The following OXCT1 variants were observed in gnomAD, a reference collection of about 807,000 sequenced individuals.
OXCT1 encodes 3-oxoacid CoA-transferase 1, also known as succinyl-CoA:3-ketoacid coenzyme A transferase 1, mitochondrial.
A neutral mutation model predicts 69.6 loss-of-function variants in OXCT1; 27 were observed. The ratio of observed to expected loss-of-function variants is 0.39; its 90% CI spans 0.29 to 0.54. OXCT1 has a LOEUF of 0.54. Among genes scored for constraint, OXCT1 ranks in the 20% least tolerant of loss-of-function variants. The probability of loss-of-function intolerance (pLI) is 0.72; values close to 1 mark genes in which losing one functional copy is unlikely to be tolerated. For synonymous variants in OXCT1, 202 were observed against 217.8 expected (o/e 0.93, Z 0.64); for missense variants, 437 against 650.2 (o/e 0.67, Z 3.57).
At chr5:41,833,070 G>C (rs1748176444) in intron 7 of OXCT1, among the ~76,000 whole-genome samples, 1 of 152,162 alleles carries the variant, frequency 6.6e-6, no homozygotes, top group African/African-American at 2.4e-5. Flanking sequence ...GGTAGAGAAA[G>C]AGATAGGAGT....
Position 41,822,628 on chromosome 5 carries a change from C to T in OXCT1, c.733-15190G>A, listed in dbSNP as rs149779389. Among the ~76,000 whole-genome samples, 492 of 152,232 alleles carry T rather than the reference C, an allele frequency of 3.2e-3. 6 individuals carry two copies. Among genetic ancestry groups the T allele is most frequent in the African/African-American group, 0.011 (458 of 41,546 alleles). On this transcript the variant is annotated intron_variant, in intron 7 of 16. Coordinates refer to ENST00000196371, the MANE Select transcript of OXCT1 (RefSeq NM_000436.4). ...AGCCAGAATTACAGGCGTGTGCCACCATGCCCGGCTAATTTTTGTATTTTT... is the reference window on the plus strand; with the variant it reads ...AGCCAGAATTACAGGCGTGTGCCACTATGCCCGGCTAATTTTTGTATTTTT...
intron 7 of OXCT1, among the ~76,000 whole-genome samples, chr5:41,817,355 TCA>T (rs1747300490): frequency 1.3e-5 from 2 of 152,336 alleles, no homozygotes; most frequent in South Asian, 4.1e-4. Flanking sequence ...TAAAGTCATT[TCA>T]CCTTTAAAAT....
At chr5:41,811,569 C>T (rs1014949580) in intron 7 of OXCT1, among the ~76,000 whole-genome samples, 11 of 151,834 alleles carry the variant, frequency 7.2e-5, no homozygotes, top group Non-Finnish European at 1.6e-4. Flanking sequence ...TATTCTTAGG[C>T]TTCATGCTAA....
intron 15 of OXCT1, among the ~76,000 whole-genome samples, chr5:41,747,504 T>C (rs1743556712): frequency 6.6e-6 from 1 of 152,094 alleles, no homozygotes; most frequent in Non-Finnish European, 1.5e-5. Flanking sequence ...TATTTCAGTA[T>C]AGTGGTTTGT....
In OXCT1 at chr5:41,731,537, C is replaced by T. The variant is rs1403012547; in HGVS notation, c.*192G>A. 6 of 944,232 alleles carry T rather than the reference C, an allele frequency of 6.4e-6. No individual in the cohort carries two copies. The African/African-American group carries it at 1.0e-4, about 16-fold the overall frequency. 58.5% of individuals were successfully genotyped at this position (944,232 alleles called of 1,614,324 possible). A position where few individuals can be genotyped will look rare whatever the true frequency, so the allele number is the denominator to read the frequency against. On this transcript the variant is annotated 3_prime_UTR_variant, in exon 17 of 17. Transcript: ENST00000196371. ...TTAACAAATGAGATAATTATAAATG[C>T]TCCTTTTGCTTTTTATTAAAATGTC... is the stretch of plus-strand genomic sequence containing the variant.
At position 41,809,309 on chromosome 5, in the gene OXCT1, T is replaced by C. The variant is rs533347381; in HGVS notation, c.733-1871A>G. ...CCCACAATGTTATTTTTTCAGAAGATGTGATAAACACTAAGTTTCTAAAAC... is the reference window on the plus strand; with the variant it reads ...CCCACAATGTTATTTTTTCAGAAGACGTGATAAACACTAAGTTTCTAAAAC... On this transcript the variant is annotated intron_variant, in intron 7 of 16. Transcript: ENST00000196371. Among the ~76,000 whole-genome samples the C allele has an allele frequency of 3.9e-5, 6 of 152,034 alleles. No individual in the cohort carries two copies. The South Asian group carries it at 8.3e-4, about 21-fold the overall frequency.
At chr5:41,833,677 C>G (rs1166037772) in intron 7 of OXCT1, among the ~76,000 whole-genome samples, 1 of 151,970 alleles carries the variant, frequency 6.6e-6, no homozygotes, top group Non-Finnish European at 1.5e-5. Context: ...ACTAAAGAAC[C>G]AATTAGAATA....
intron 3 of OXCT1, among the ~76,000 whole-genome samples, chr5:41,860,735 T>C (rs1006414754): frequency 6.6e-6 from 1 of 152,182 alleles, no homozygotes; most frequent in African/African-American, 2.4e-5. Context: ...AAATGTACCT[T>C]AATGTGCATG....
chr5:41,829,313 C>T (rs1277018750), intron 7 of OXCT1, among the ~76,000 whole-genome samples: 4 of 151,888 alleles, frequency 2.6e-5, no homozygotes, highest in African/African-American at 9.7e-5. Context: ...AAATTTGAGG[C>T]CTGAAAAATT....
intron 16 of OXCT1, among the ~76,000 whole-genome samples, chr5:41,735,473 C>G (rs1225149677): frequency 6.6e-6 from 1 of 152,192 alleles, no homozygotes; most frequent in Non-Finnish European, 1.5e-5. Flanking sequence ...AGTTTCAGAG[C>G]TGCAAGTTAT....
chr5:41,753,849 G>A (rs1743931112), intron 14 of OXCT1, among the ~76,000 whole-genome samples: 1 of 152,108 alleles, frequency 6.6e-6, no homozygotes, highest in African/African-American at 2.4e-5. Flanking sequence ...TGTGACTAAT[G>A]TCTATGGACC....
At chr5:41,801,342 A>G (rs1746417547) in intron 10 of OXCT1, among the ~76,000 whole-genome samples, 1 of 152,152 alleles carries the variant, frequency 6.6e-6, no homozygotes, top group African/African-American at 2.4e-5. Context: ...ACAAGTCCAT[A>G]AAACAAAAAG....
At chr5:41,801,775 C>G (rs1208712209) in intron 10 of OXCT1, among the ~76,000 whole-genome samples, 1 of 151,964 alleles carries the variant, frequency 6.6e-6, no homozygotes, top group Non-Finnish European at 1.5e-5. Flanking sequence ...CACAGCTACT[C>G]TCAGTAAAGT....
rs747938574 is a variant in OXCT1, at chr5:41,870,342, A to G, written c.17T>C (p.Leu6Pro). The change falls in exon 1 of 17, where the codon CTC becomes CCC. Residue 6 changes from leucine (L) to proline (P), a missense_variant. Transcript: ENST00000196371. This position sits in a 1 kb window ranked among gnomAD's most constrained non-coding sequence, Gnocchi z 4.2. ...GCAGAGCCGAAGCCCGGAGGAGAGG[A>G]GTTTGAGAGCCGCCATCTTCGGGCG... MAALK[L>P]LSSGLRLCAS... 2 of 1,613,480 alleles carry G rather than the reference A, an allele frequency of 1.2e-6. No individual in the cohort carries two copies. The highest frequency in any genetic ancestry group is 1.7e-6 in the Non-Finnish European group (2 of 1,179,814).
chr5:41,829,634 T>C (rs1016025553), intron 7 of OXCT1, among the ~76,000 whole-genome samples: 2 of 152,210 alleles, frequency 1.3e-5, no homozygotes, highest in Admixed American at 1.3e-4. Context: ...CAATAAACTA[T>C]TTCTATTCTG....
intron 7 of OXCT1, among the ~76,000 whole-genome samples, chr5:41,826,770 G>A (rs761710821): frequency 1.3e-4 from 19 of 151,562 alleles, no homozygotes; most frequent in African/African-American, 3.9e-4. Context: ...CTACCTTTCC[G>A]ACCTCCCCTC....
intron 5 of OXCT1, among the ~76,000 whole-genome samples, chr5:41,849,265 T>C (rs1398613821): frequency 6.6e-6 from 1 of 152,200 alleles, no homozygotes; most frequent in Non-Finnish European, 1.5e-5. Context: ...AGAGATCCCC[T>C]GATTTACTAC....
chr5:41,850,137 G>C lies in OXCT1; in HGVS notation c.457C>G (p.Pro153Ala). The change falls in exon 5 of 17, where the codon CCT (proline) becomes GCT (alanine). Residue 153 changes from proline (P) to alanine (A), a missense_variant. Physicochemically the swap from Pro to Ala is conservative, Grantham distance 27 (BLOSUM62 -1). Transcript: ENST00000196371. ...ERIRAGGAGV[P>A]AFYTPTGYGT... ...TACCCTGTTGGGGTGTAAAATGCAG[G>C]AACTCCAGCCCCGCCTGCACGGATC... The C allele has an allele frequency of 6.2e-7, 1 of 1,613,776 alleles. No individual in the cohort carries two copies. The highest frequency in any genetic ancestry group is 8.5e-7 in the Non-Finnish European group (1 of 1,179,874).
chr5:41,749,971 G>A (rs561360366), intron 14 of OXCT1, among the ~76,000 whole-genome samples: 13 of 152,002 alleles, frequency 8.6e-5, no homozygotes, highest in African/African-American at 2.9e-4. Flanking sequence ...AGATATCTGC[G>A]CAGGATGCAA....
Sources: gnomAD v4.1 joint callset for allele counts (sites outside exome capture counted in the v4.1 genomes callset) on GRCh38, gnomAD v4.1.1 for gene constraint, Gnocchi (gnomAD v3.1) non-coding constraint, MANE v1.5 for transcripts, NCBI Gene and HGNC (gene_info 2026-07-23, HGNC 2026-07-21) for gene names.